C21orf58: variants seen among roughly 807,000 people sequenced by gnomAD.
C21orf58 encodes the protein chromosome 21 open reading frame 58, also known as uncharacterized protein C21orf58.
A neutral mutation model predicts 35.8 loss-of-function variants in C21orf58; 34 were observed. That is an observed-to-expected ratio of 0.95 (90% CI 0.72 to 1.26). C21orf58 has a LOEUF of 1.26. C21orf58 is among the 50% of genes most tolerant of loss of function. The pLI is 0.00. For missense variants in C21orf58, 440 were observed against 414.3 expected (o/e 1.06, Z -0.54); for synonymous variants, 191 against 175.8 (o/e 1.09, Z -0.68).
chr21:46,300,601 C>T (rs916203571), downstream of C21orf58: 1 of 1,157,750 alleles, frequency 8.6e-7, no homozygotes. Context: ...AGTGTTACTG[C>T]CAGTAGCTGC....
In C21orf58 at chr21:46,323,337, CT is replaced by C. The variant is rs1170609650; in HGVS notation, c.-600del. ...GACCTCATGCGACGTCAGTTTCCCC[CT>C]GGGACCACGAACCCACGGCCCCATT... On this transcript the variant is annotated 5_prime_UTR_variant, in exon 1 of 8. It introduces an in-frame stop codon into an upstream open reading frame of the 5' UTR. Coordinates refer to ENST00000291691, the MANE Select transcript of C21orf58 (RefSeq NM_058180.5). 6.6e-6 allele frequency: 1 copy of C among 152,350 alleles called. No individual in the cohort carries two copies. The highest frequency in any genetic ancestry group is 1.5e-5 in the Non-Finnish European group (1 of 68,120). 9.4% of individuals were successfully genotyped at this position (152,350 alleles called of 1,614,324 possible). A position where few individuals can be genotyped will look rare whatever the true frequency, so the allele number is the denominator to read the frequency against.
In C21orf58 at chr21:46,302,115, T is replaced by C. The variant is rs901317676; in HGVS notation, c.853A>G (p.Arg285Gly). The C allele has an allele frequency of 3.7e-5, 57 of 1,521,940 alleles. No individual in the cohort carries two copies. Among genetic ancestry groups the C allele is most frequent in the Non-Finnish European group, 4.8e-5 (55 of 1,134,430 alleles). 94.3% of individuals were successfully genotyped at this position (1,521,940 alleles called of 1,614,324 possible). A position where few individuals can be genotyped will look rare whatever the true frequency, so the allele number is the denominator to read the frequency against. The change falls in exon 8 of 8, where the codon AGG (arginine) becomes GGG (glycine). Residue 285 changes from arginine to glycine, a missense_variant. Transcript: ENST00000291691. ...TGGTGCACGGCAGGCAGCCTTGGCCTGGCAGCTCGTGGGACCCTCGGGGGC... is the reference window on the plus strand; with the variant it reads ...TGGTGCACGGCAGGCAGCCTTGGCCCGGCAGCTCGTGGGACCCTCGGGGGC... ...HVPPRVPRAA[R>G]PRLPAVHHHH...
rs373847445 is a variant in C21orf58, at chr21:46,311,592, A to G, written c.610-25T>C. On this transcript the variant is annotated intron_variant, in intron 5 of 7. Transcript: ENST00000291691. Reference sequence around the variant, plus strand: ...CCTAGGAACAGCCAGGTGATTAGCTATCTGCATATGTCCTTGAAGAAAGTG... The same window carrying G: ...CCTAGGAACAGCCAGGTGATTAGCTGTCTGCATATGTCCTTGAAGAAAGTG... 6.3e-6 allele frequency: 9 copies of G among 1,424,778 alleles called. No individual in the cohort carries two copies. In the African/African-American group the frequency reaches 9.8e-5, roughly 16 times the overall value. The allele number at this position is 1,424,778 out of a possible 1,614,324, so 88.3% of individuals were successfully genotyped here.
At chr21:46,303,725 ATATATATATATATATATATATTTT>A (rs2082249918) in intron 6 of C21orf58, among the ~76,000 whole-genome samples, 4 of 26,216 alleles carry the variant, frequency 1.5e-4, no homozygotes, top group East Asian at 1.4e-3. Flanking sequence ...ATATATATAT[ATATATATATATATATATATATTTT>A]TTTTTTTTTT....
chr21:46,302,423 A>T, intron 7 of C21orf58, 62 bp downstream of exon 7: 1 of 1,360,286 alleles, frequency 7.4e-7, no homozygotes, highest in Non-Finnish European at 1.0e-6. Context: ...AGAAATTTCC[A>T]GAAGAAAAAC....
In C21orf58 at chr21:46,323,105, T is replaced by G. The variant is rs1002076780; in HGVS notation, c.-367A>C. 29 of 159,250 alleles carry G rather than the reference T, an allele frequency of 1.8e-4. No individual in the cohort carries two copies. The highest frequency in any genetic ancestry group is 9.0e-4 in the Admixed American group (14 of 15,510). The allele number at this position is 159,250 out of a possible 1,614,324, so 9.9% of individuals were successfully genotyped here. A position where few individuals can be genotyped will look rare whatever the true frequency, so the allele number is the denominator to read the frequency against. On this transcript the variant is annotated 5_prime_UTR_variant, in exon 1 of 8. Transcript: ENST00000291691. ...GGCCCTGTCTTGGTTTTTTGCCACT[T>G]CGCTCCAGTTAGTTTCCCAAGTTCC... is the stretch of plus-strand genomic sequence containing the variant.
chr21:46,303,743 A>ATT (rs2082271514), intron 6 of C21orf58, among the ~76,000 whole-genome samples: 1 of 19,604 alleles, frequency 5.1e-5, no homozygotes, highest in Non-Finnish European at 1.1e-4. Context: ...ATATATATAT[A>ATT]TATTTTTTTT....
At chr21:46,317,540 C>T (rs1007896512) in intron 2 of C21orf58, among the ~76,000 whole-genome samples, 3 of 152,180 alleles carry the variant, frequency 2.0e-5, no homozygotes, top group African/African-American at 4.8e-5. Context: ...GAAGAGCAAC[C>T]CTGGGAGACA....
intron 6 of C21orf58, among the ~76,000 whole-genome samples, chr21:46,303,697 CA>C: frequency 8.8e-6 from 1 of 113,344 alleles, no homozygotes; most frequent in Non-Finnish European, 1.8e-5. Flanking sequence ...CACACACACA[CA>C]CACACACAAA....
chr21:46,305,739 A>C (rs2082387181), intron 6 of C21orf58, among the ~76,000 whole-genome samples: 2 of 151,032 alleles, frequency 1.3e-5, no homozygotes, highest in Admixed American at 1.3e-4. Context: ...GAAGATCGAG[A>C]CCATCCTGGC....
Position 46,302,026 on chromosome 21 carries a change from G to A in C21orf58, c.942C>T (p.Pro314=). Residue 314 remains proline, a synonymous_variant, in exon 8 of 8, where the codon CCC becomes CCT. Coordinates refer to ENST00000291691, the MANE Select transcript of C21orf58 (RefSeq NM_058180.5). Reference sequence around the variant, plus strand: ...AGGGTGGGCCAGGCGTCCACAGGCTGGGGGCGGGCTGGAGGACAGTGGCAG... The same window carrying A: ...AGGGTGGGCCAGGCGTCCACAGGCTAGGGGCGGGCTGGAGGACAGTGGCAG... ...PGAATVLQPA[P]SLWTPGPP 6.5e-7 allele frequency: 1 copy of A among 1,535,936 alleles called. No homozygotes were observed. Among genetic ancestry groups the A allele is most frequent in the Non-Finnish European group, 8.8e-7 (1 of 1,140,916 alleles).
intron 5 of C21orf58, among the ~76,000 whole-genome samples, chr21:46,312,665 C>T (rs556729642): frequency 5.1e-4 from 78 of 152,282 alleles, no homozygotes; most frequent in South Asian, 2.1e-3. Context: ...CCACCATGCC[C>T]GGCCTGGTCA....
At chr21:46,301,004 C>A (rs562130315), downstream of C21orf58, 10 of 901,136 alleles carry the variant, frequency 1.1e-5, no homozygotes, top group African/African-American at 5.3e-5. Context: ...CACTGCCCAG[C>A]ACTCACCTTT....
chr21:46,303,741 ATATATTTTTTTTTTTTT>A (rs2082270756), intron 6 of C21orf58, among the ~76,000 whole-genome samples: 1 of 24,270 alleles, frequency 4.1e-5, no homozygotes, highest in African/African-American at 1.6e-4. Context: ...ATATATATAT[ATATATTTTTTTTTTTTT>A]TTTTTTTTTT....
In C21orf58 at chr21:46,301,523, C is replaced by T; in HGVS notation, c.*476G>A. The T allele has an allele frequency of 1.0e-6, 1 of 985,886 alleles. No homozygotes were observed. Among genetic ancestry groups the T allele is most frequent in the Non-Finnish European group, 1.2e-6 (1 of 830,148 alleles). 61.1% of individuals were successfully genotyped at this position (985,886 alleles called of 1,614,324 possible). On this transcript the variant is annotated 3_prime_UTR_variant, in exon 8 of 8. Transcript: ENST00000291691. ...TAAATTAGACTTTGTGGTATTTTCC[C>T]CATCAGGATGTTCACACTTCCATGT...
At chr21:46,309,761 C>G (rs1264047033) in intron 6 of C21orf58, among the ~76,000 whole-genome samples, 1 of 152,092 alleles carries the variant, frequency 6.6e-6, no homozygotes, top group African/African-American at 2.4e-5. Context: ...CTTTGGGAGG[C>G]TGAGGTGGGT....
chr21:46,301,923 A>G lies in C21orf58; in HGVS notation c.*76T>C. The stretch of plus-strand genomic sequence containing the variant: ...AGGGTCTCTCCCTGCTCCCTTCCAT[A>G]GTCCCGCCACAGCCCACAGCCCTGA... On this transcript the variant is annotated 3_prime_UTR_variant, in exon 8 of 8. Transcript: ENST00000291691. 1 of 1,388,566 alleles carries G rather than the reference A, an allele frequency of 7.2e-7. No individual in the cohort carries two copies. The highest frequency in any genetic ancestry group is 9.3e-7 in the Non-Finnish European group (1 of 1,074,116). The allele number at this position is 1,388,566 out of a possible 1,614,324, so 86.0% of individuals were successfully genotyped here. A position where few individuals can be genotyped will look rare whatever the true frequency, so the allele number is the denominator to read the frequency against.
Position 46,302,134 on chromosome 21 carries a change from CG to C in C21orf58, c.833del (p.Pro278ArgfsTer121). 1.3e-6 allele frequency: 2 copies of C among 1,508,770 alleles called. No homozygotes were observed. Among genetic ancestry groups the C allele is most frequent in the Non-Finnish European group, 1.8e-6 (2 of 1,127,784 alleles). 93.5% of individuals were successfully genotyped at this position (1,508,770 alleles called of 1,614,324 possible). ...TTGGCCTGGCAGCTCGTGGGACCCTCGGGGGCACATGTGGCGGGTCCTGCCA... is the reference window on the plus strand; with the variant it reads ...TTGGCCTGGCAGCTCGTGGGACCCTCGGGGCACATGTGGCGGGTCCTGCCA... ...PALQDPPHVP[P>X]RVPRAARPRL... On this transcript the variant is annotated frameshift_variant, in exon 8 of 8. Transcript: ENST00000291691. LOFTEE classifies it low-confidence loss of function (END_TRUNC).
chr21:46,303,180 T>A (rs955394480), intron 6 of C21orf58, among the ~76,000 whole-genome samples: 3 of 150,466 alleles, frequency 2.0e-5, no homozygotes, highest in African/African-American at 7.3e-5. Flanking sequence ...AAAAAAAAAA[T>A]TAAAACATCT....
Sources: allele counts gnomAD v4.1 joint callset (sites outside exome capture counted in the v4.1 genomes callset), GRCh38; gene constraint gnomAD v4.1.1; transcripts MANE v1.5; gene names NCBI Gene and HGNC (gene_info 2026-07-23, HGNC 2026-07-21).